The following RBM7 variants were observed in gnomAD, a reference collection of about 807,000 sequenced individuals.
RBM7 encodes the protein RNA-binding protein 7.
A neutral mutation model predicts 31.0 loss-of-function variants in RBM7; 13 were observed. The observed-to-expected ratio is 0.42, with a 90% CI of 0.27 to 0.67. The LOEUF (loss-of-function observed/expected upper bound fraction) is 0.67, where lower values mean the gene tolerates loss of function less well. Among genes scored for constraint, RBM7 ranks in the 30% least tolerant of loss-of-function variants. RBM7 has a pLI of 0.24. For synonymous variants in RBM7, 106 were observed against 111.2 expected (o/e 0.95, Z 0.30); for missense variants, 245 against 326.2 (o/e 0.75, Z 1.92).
In RBM7 at chr11:114,407,539, G is replaced by C; in HGVS notation, c.536G>C (p.Ser179Thr). Residue 179 changes from serine to threonine, a missense_variant, in exon 5 of 5, where the codon AGT becomes ACT. Ser to Thr is a moderately conservative substitution (Grantham distance 58). Coordinates refer to ENST00000375490, the MANE Select transcript of RBM7 (RefSeq NM_001286045.2). ...TTTTCACCATCAGTTCAATCACACA[G>C]TCATAGTTTCAATCAGTCTTCAAGC... ...SGFSPSVQSH[S>T]HSFNQSSSSQ... 1 of 1,614,188 alleles carries C rather than the reference G, an allele frequency of 6.2e-7. No individual in the cohort carries two copies. The highest frequency in any genetic ancestry group is 8.5e-7 in the Non-Finnish European group (1 of 1,180,032).
Position 114,407,621 on chromosome 11 carries a change from T to C in RBM7, c.618T>C (p.Tyr206=), listed in dbSNP as rs767943617. Residue 206 remains tyrosine (Y), a synonymous_variant, in exon 5 of 5, where the codon TAT becomes TAC. Transcript: ENST00000375490. ...SSQRKVRMNS[Y]PYLADRHYSR... is the part of the protein sequence containing the mutation. ...AGCGTAAAGTCAGAATGAATTCTTATCCCTACCTAGCAGATAGACATTATA... is the reference window on the plus strand; with the variant it reads ...AGCGTAAAGTCAGAATGAATTCTTACCCCTACCTAGCAGATAGACATTATA... 6.2e-7 allele frequency: 1 copy of C among 1,614,122 alleles called. No individual in the cohort carries two copies. The highest frequency in any genetic ancestry group is 1.1e-5 in the South Asian group (1 of 91,086).
chr11:114,402,346 A>T (rs577467974), intron 2 of RBM7, among the ~76,000 whole-genome samples: 5 of 135,598 alleles, frequency 3.7e-5, no homozygotes, highest in African/African-American at 1.1e-4. Flanking sequence ...TTTCACCCCG[A>T]TGAAGCCGTA....
intron 3 of RBM7, among the ~76,000 whole-genome samples, chr11:114,403,429 G>T (rs774732323): frequency 9.2e-5 from 14 of 152,036 alleles, no homozygotes; most frequent in African/African-American, 3.4e-4. Context: ...CTTTAGTCCC[G>T]TCTTCCCATG....
In RBM7 at chr11:114,402,760, A is replaced by G. The variant is rs1946221852; in HGVS notation, c.260-68A>G. The G allele has an allele frequency of 1.1e-5, 14 of 1,329,148 alleles. No homozygotes were observed. The South Asian group carries it at 1.5e-4, about 15-fold the overall frequency. 82.3% of individuals were successfully genotyped at this position (1,329,148 alleles called of 1,614,324 possible). A position where few individuals can be genotyped will look rare whatever the true frequency, so the allele number is the denominator to read the frequency against. ...TGTTTACCTTTTTGGAGTGATTTCA[A>G]GTGGGGAAGACAAAATTTCAAATTA... is the stretch of plus-strand genomic sequence containing the variant. On this transcript the variant is annotated intron_variant, in intron 2 of 4. Coordinates refer to ENST00000375490, the MANE Select transcript of RBM7 (RefSeq NM_001286045.2).
Position 114,410,028 on chromosome 11 carries a change from A to G in RBM7, c.*2221A>G, listed in dbSNP as rs1188190559. ...CAGGTCCGGAAATCCACAGTGCTCC[A>G]ATGAGCCTTTCCCCTGAGTGTCACA... On this transcript the variant is annotated 3_prime_UTR_variant, in exon 5 of 5. Coordinates refer to ENST00000375490, the MANE Select transcript of RBM7 (RefSeq NM_001286045.2). 6.6e-6 allele frequency: 1 copy of G among 152,158 alleles called. No individual in the cohort carries two copies. The highest frequency in any genetic ancestry group is 2.4e-5 in the African/African-American group (1 of 41,434). The allele number at this position is 152,158 out of a possible 1,614,324, so 9.4% of individuals were successfully genotyped here. A position where few individuals can be genotyped will look rare whatever the true frequency, so the allele number is the denominator to read the frequency against.
rs2135358535 is a variant in RBM7 at position 114,408,103 on chromosome 11, T to A, written c.*296T>A. The A allele has an allele frequency of 5.4e-6, 1 of 185,314 alleles. No individual in the cohort carries two copies. The highest frequency in any genetic ancestry group is 2.3e-5 in the African/African-American group (1 of 42,946). The allele number at this position is 185,314 out of a possible 1,614,324, so 11.5% of individuals were successfully genotyped here. ...TGAAGTTGTATGATAAAGCAGATAT[T>A]TTAATTATTTGTTATCTTTTTGTAT... On this transcript the variant is annotated 3_prime_UTR_variant, in exon 5 of 5. Transcript: ENST00000375490.
At position 114,407,792 on chromosome 11, in the gene RBM7, C is replaced by T. The variant is rs190463336; in HGVS notation, c.789C>T (p.Arg263=). The change falls in exon 5 of 5, where the codon CGC becomes CGT. Residue 263 remains arginine (R), a synonymous_variant. Transcript: ENST00000375490. ...ACAGTAGTAGAGATGGAAAATGGCG[C>T]TCATCTCGACACTAACACATGTTAA... ...RRDSSRDGKW[R]SSRH is the part of the protein sequence containing the mutation. 3 of 1,607,122 alleles carry T rather than the reference C, an allele frequency of 1.9e-6. No homozygotes were observed. Among genetic ancestry groups the T allele is most frequent in the African/African-American group, 2.7e-5 (2 of 74,914 alleles).
Position 114,400,676 on chromosome 11 carries a change from GGGC to G in RBM7, c.17_19del (p.Ala6del). 1.2e-6 allele frequency: 2 copies of G among 1,614,154 alleles called. No individual in the cohort carries two copies. The highest frequency in any genetic ancestry group is 1.1e-5 in the South Asian group (1 of 91,086). On this transcript the variant is annotated inframe_deletion, in exon 1 of 5. Coordinates refer to ENST00000375490, the MANE Select transcript of RBM7 (RefSeq NM_001286045.2). ...TAGGGAGGGGGCGACGCTGAGATGG[GGGC>G]GGCGGCGGCGGAAGCGGATCGCACT...
Position 114,410,158 on chromosome 11 carries a change from A to G in RBM7, c.*2351A>G, listed in dbSNP as rs1483693788. ...CTGCAAGAACAGAAAGGAAGAAGAG[A>G]TTATTTTTGTGGGAGAACAGTTTCT... On this transcript the variant is annotated 3_prime_UTR_variant, in exon 5 of 5. Coordinates refer to ENST00000375490, the MANE Select transcript of RBM7 (RefSeq NM_001286045.2). 6.6e-6 allele frequency: 1 copy of G among 151,978 alleles called. No individual in the cohort carries two copies. The highest frequency in any genetic ancestry group is 1.5e-5 in the Non-Finnish European group (1 of 68,006). The allele number at this position is 151,978 out of a possible 1,614,324, so 9.4% of individuals were successfully genotyped here.
Position 114,407,875 on chromosome 11 carries a change from AT to A in RBM7, c.*72del, listed in dbSNP as rs1946288449. The A allele has an allele frequency of 6.7e-7, 1 of 1,481,626 alleles. No homozygotes were observed. The highest frequency in any genetic ancestry group is 2.2e-5 in the Admixed American group (1 of 45,050). The allele number at this position is 1,481,626 out of a possible 1,614,324, so 91.8% of individuals were successfully genotyped here. ...CCTTTGACTAAGTTGATATGGAAAT[AT>A]TTTGTTGAAAAACTGTACAGAGCAG... On this transcript the variant is annotated 3_prime_UTR_variant, in exon 5 of 5. Coordinates refer to ENST00000375490, the MANE Select transcript of RBM7 (RefSeq NM_001286045.2).
chr11:114,409,961 G>T lies in RBM7; in HGVS notation c.*2154G>T, dbSNP rs1231090544. 6.6e-6 allele frequency: 1 copy of T among 152,092 alleles called. No homozygotes were observed. The highest frequency in any genetic ancestry group is 1.5e-5 in the Non-Finnish European group (1 of 68,016). The allele number at this position is 152,092 out of a possible 1,614,324, so 9.4% of individuals were successfully genotyped here. Reference sequence around the variant, plus strand: ...TTCAAAATGCTTGAGAAGTGTTTTGGGTTCTGGAATATTTGCATTAATGCT... The same window carrying T: ...TTCAAAATGCTTGAGAAGTGTTTTGTGTTCTGGAATATTTGCATTAATGCT... On this transcript the variant is annotated 3_prime_UTR_variant, in exon 5 of 5. Transcript: ENST00000375490.
At position 114,410,544 on chromosome 11, in the gene RBM7, A is replaced by G. The variant is rs751784371; in HGVS notation, c.*2737A>G. ...AGTCTTCTTTCCTCAAATTTATTCC[A>G]CACTCTTAAGAATTGAAGATGTAAA... On this transcript the variant is annotated 3_prime_UTR_variant, in exon 5 of 5. Transcript: ENST00000375490. 14 of 152,308 alleles carry G rather than the reference A, an allele frequency of 9.2e-5. No individual in the cohort carries two copies. Among genetic ancestry groups the G allele is most frequent in the South Asian group, 2.1e-4 (1 of 4,828 alleles). 9.4% of individuals were successfully genotyped at this position (152,308 alleles called of 1,614,324 possible). A position where few individuals can be genotyped will look rare whatever the true frequency, so the allele number is the denominator to read the frequency against.
In RBM7 at chr11:114,408,368, A is replaced by G. The variant is rs1266585599; in HGVS notation, c.*561A>G. 6.5e-6 allele frequency: 1 copy of G among 152,856 alleles called. No homozygotes were observed. The highest frequency in any genetic ancestry group is 2.4e-5 in the African/African-American group (1 of 41,468). The allele number at this position is 152,856 out of a possible 1,614,324, so 9.5% of individuals were successfully genotyped here. On this transcript the variant is annotated 3_prime_UTR_variant, in exon 5 of 5. Coordinates refer to ENST00000375490, the MANE Select transcript of RBM7 (RefSeq NM_001286045.2). ...TTACCCTAGTTGAACATACATGTGT[A>G]GATTTACACATACTGTTTCATTCTA...
chr11:114,405,414 T>G (rs947664563), intron 3 of RBM7, among the ~76,000 whole-genome samples: 1 of 152,184 alleles, frequency 6.6e-6, no homozygotes, highest in East Asian at 1.9e-4. Flanking sequence ...CTAGGTAACC[T>G]TGGTGTTCAG....
intron 3 of RBM7, among the ~76,000 whole-genome samples, chr11:114,404,204 G>A (rs978402903): frequency 4.6e-5 from 7 of 152,186 alleles, no homozygotes; most frequent in Non-Finnish European, 1.0e-4. Flanking sequence ...ATGGATTGGA[G>A]GGGGCAAGAG....
At chr11:114,401,494 T>C (rs937252317) in intron 1 of RBM7, among the ~76,000 whole-genome samples, 10 of 152,364 alleles carry the variant, frequency 6.6e-5, no homozygotes, top group African/African-American at 1.9e-4. Flanking sequence ...CAGTTCCTTA[T>C]GGGCCCCCTT....
At position 114,407,715 on chromosome 11, in the gene RBM7, T is replaced by C; in HGVS notation, c.712T>C (p.Tyr238His). The change falls in exon 5 of 5, where the codon TAT becomes CAT. Residue 238 changes from tyrosine to histidine, a missense_variant. By Grantham distance (83) the Tyr-to-His change is moderately conservative (BLOSUM62 2). Transcript: ENST00000375490. ...HYRGKRDDFFYEDRNHDDWSH... is the reference protein window; with the variant it reads ...HYRGKRDDFFHEDRNHDDWSH... ...CAGAGGAAAGAGAGATGATTTCTTCTATGAAGACAGGAATCATGATGACTG... is the reference window on the plus strand; with the variant it reads ...CAGAGGAAAGAGAGATGATTTCTTCCATGAAGACAGGAATCATGATGACTG... The C allele has an allele frequency of 1.9e-6, 3 of 1,614,072 alleles. No homozygotes were observed. The highest frequency in any genetic ancestry group is 1.1e-5 in the South Asian group (1 of 91,088).
At position 114,410,327 on chromosome 11, in the gene RBM7, A is replaced by G. The variant is rs1946320727; in HGVS notation, c.*2520A>G. On this transcript the variant is annotated 3_prime_UTR_variant, in exon 5 of 5. Coordinates refer to ENST00000375490, the MANE Select transcript of RBM7 (RefSeq NM_001286045.2). ...CAGCACCATAAAATTTCTGACAAGT[A>G]CTATAGGTAAAGAAATCCCTTTATA... 2 of 152,206 alleles carry G rather than the reference A, an allele frequency of 1.3e-5. No homozygotes were observed. The highest frequency in any genetic ancestry group is 2.4e-5 in the African/African-American group (1 of 41,442). The allele number at this position is 152,206 out of a possible 1,614,324, so 9.4% of individuals were successfully genotyped here.
chr11:114,400,687 G>A lies in RBM7; in HGVS notation c.16G>A (p.Ala6Thr), dbSNP rs775080859. Residue 6 changes from alanine to threonine, a missense_variant, in exon 1 of 5, where the codon GCG becomes ACG. Coordinates refer to ENST00000375490, the MANE Select transcript of RBM7 (RefSeq NM_001286045.2). The stretch of plus-strand genomic sequence containing the variant: ...CGACGCTGAGATGGGGGCGGCGGCG[G>A]CGGAAGCGGATCGCACTCTCTTTGT... Reference protein sequence around the residue: MGAAAAEADRTLFVGN... With the variant: MGAAATEADRTLFVGN... 68 of 1,614,116 alleles carry A rather than the reference G, an allele frequency of 4.2e-5. No individual in the cohort carries two copies. The highest frequency in any genetic ancestry group is 5.3e-5 in the Non-Finnish European group (63 of 1,180,044).
Sources: gnomAD v4.1 joint callset for allele counts (sites outside exome capture counted in the v4.1 genomes callset) on GRCh38, gnomAD v4.1.1 for gene constraint, MANE v1.5 for transcripts, NCBI Gene and HGNC (gene_info 2026-07-23, HGNC 2026-07-21) for gene names.